CELF2: variants seen among roughly 807,000 people sequenced by gnomAD.
CELF2 encodes CUGBP Elav-like family member 2.
CELF2 carries 8 observed loss-of-function variants against 62.6 expected under a neutral mutation model. The observed-to-expected ratio is 0.13, with a 90% CI of 0.07 to 0.23. CELF2 has a LOEUF of 0.23. Among genes scored for constraint, CELF2 ranks in the 10% least tolerant of loss-of-function variants. The pLI is 1.00. For synonymous variants in CELF2, 258 were observed against 250.0 expected, an observed-to-expected ratio of 1.03 and a Z score of -0.30; for missense variants, 333 against 671.0, an observed-to-expected ratio of 0.50 and a Z score of 5.56.
the CELF2 span, among the ~76,000 whole-genome samples, chr10:10,602,352 G>A: frequency 7.6e-3 from 1,150 of 152,220 alleles, 9 homozygotes; most frequent in African/African-American, 0.026. Context: ...CTGGTTACAA[G>A]TCTGGGGTCC....
intron 1 of CELF2, among the ~76,000 whole-genome samples, chr10:11,068,258 C>G (rs1328953440): frequency 6.6e-6 from 1 of 152,200 alleles, no homozygotes; most frequent in African/African-American, 2.4e-5. Context: ...AAATGTCAAA[C>G]CGCAACTGTG....
At chr10:10,543,106 G>A in the CELF2 span, among the ~76,000 whole-genome samples, 1 of 152,236 alleles carries the variant, frequency 6.6e-6, no homozygotes, top group Non-Finnish European at 1.5e-5. Flanking sequence ...TGAAGACTTG[G>A]CTTCTAGCAA....
intron 9 of CELF2, among the ~76,000 whole-genome samples, chr10:11,291,865 G>A (rs554469646): frequency 2.0e-5 from 3 of 152,296 alleles, no homozygotes; most frequent in South Asian, 2.1e-4. Flanking sequence ...AATTTTGAGC[G>A]CTTGAAGAGA....
chr10:10,733,206 A>G, the CELF2 span, among the ~76,000 whole-genome samples: 1 of 152,216 alleles, frequency 6.6e-6, no homozygotes, highest in African/African-American at 2.4e-5. Context: ...CACCCGGGCC[A>G]TTGAAGCGCC....
chr10:10,533,865 G>C, the CELF2 span, among the ~76,000 whole-genome samples: 2 of 152,180 alleles, frequency 1.3e-5, no homozygotes, highest in African/African-American at 4.8e-5. Context: ...TATCTACTTG[G>C]AAGTCACTGG....
rs2053282228 is a variant in CELF2, at chr10:10,990,267, C to T, written c.89+70268C>T. On this transcript the variant is annotated intron_variant, in intron 2 of 13. Transcript: ENST00000636488. The surrounding 1 kb of genome is among the most constrained non-coding windows in gnomAD (Gnocchi z 4.6). ...ACGTCATTATGTGGGAAAAATATATCATGTTGTATAAAAAGGATTAAAAAT... is the reference window on the plus strand; with the variant it reads ...ACGTCATTATGTGGGAAAAATATATTATGTTGTATAAAAAGGATTAAAAAT... Among the ~76,000 whole-genome samples, 1 of 152,004 alleles carries T rather than the reference C, an allele frequency of 6.6e-6. No homozygotes were observed. The highest frequency in any genetic ancestry group is 2.4e-5 in the African/African-American group (1 of 41,430).
At chr10:10,748,468 G>A in the CELF2 span, among the ~76,000 whole-genome samples, 1 of 152,118 alleles carries the variant, frequency 6.6e-6, no homozygotes, top group Non-Finnish European at 1.5e-5. Context: ...TCTCTCTGGG[G>A]TCTGGCGCGG....
At chr10:10,869,302 A>G (rs1000885350) in intron 1 of CELF2, among the ~76,000 whole-genome samples, 12 of 152,170 alleles carry the variant, frequency 7.9e-5, no homozygotes, top group East Asian at 3.9e-4. Flanking sequence ...GGTGGCTCAC[A>G]TCTGTAATCC....
the CELF2 span, among the ~76,000 whole-genome samples, chr10:10,764,129 G>C: frequency 6.6e-6 from 1 of 152,234 alleles, no homozygotes; most frequent in Admixed American, 6.5e-5. Context: ...GAAAGGAAAG[G>C]AGATGTCAGT....
the CELF2 span, among the ~76,000 whole-genome samples, chr10:10,565,209 A>T: frequency 4.6e-5 from 7 of 152,234 alleles, no homozygotes; most frequent in Non-Finnish European, 1.0e-4. Flanking sequence ...AAGTCCCTGT[A>T]CACTGGCTGG....
At chr10:10,561,364 G>A in the CELF2 span, among the ~76,000 whole-genome samples, 7 of 152,140 alleles carry the variant, frequency 4.6e-5, no homozygotes, top group Admixed American at 4.6e-4. Context: ...CTATGTGTTG[G>A]AAAGTACATA....
the CELF2 span, among the ~76,000 whole-genome samples, chr10:10,639,576 A>G: frequency 6.6e-6 from 1 of 152,204 alleles, no homozygotes; most frequent in Admixed American, 6.5e-5. Flanking sequence ...ACTTTGGAAT[A>G]AGTAAATTTT....
chr10:11,333,982 TTGATAGAA>T lies in CELF2; in HGVS notation c.*4930_*4937del, dbSNP rs966572002. ...GATTTCGGGTTGATTGATTGATTGA[TTGATAGAA>T]AGAAAGTTGCTTTTCTTTTGAGAAT... is the stretch of plus-strand genomic sequence containing the variant. On this transcript the variant is annotated 3_prime_UTR_variant, in exon 13 of 13. Transcript: ENST00000633077. 35 of 152,530 alleles carry T rather than the reference TTGATAGAA, an allele frequency of 2.3e-4. No homozygotes were observed. Among genetic ancestry groups the T allele is most frequent in the Admixed American group, 1.3e-3 (20 of 15,298 alleles). 9.4% of individuals were successfully genotyped at this position (152,530 alleles called of 1,614,324 possible).
chr10:11,166,822 A>G (rs2067361399), intron 2 of CELF2, among the ~76,000 whole-genome samples: 1 of 152,212 alleles, frequency 6.6e-6, no homozygotes, highest in African/African-American at 2.4e-5. Context: ...GAACTAGGAA[A>G]TCTTTAAGAC....
At chr10:11,259,695 A>G (rs770763420) in intron 5 of CELF2, among the ~76,000 whole-genome samples, 4 of 152,152 alleles carry the variant, frequency 2.6e-5, no homozygotes, top group Non-Finnish European at 5.9e-5. Flanking sequence ...TCACCAGCCA[A>G]GGGATACTAG....
At chr10:10,932,948 A>G (rs1421355908) in intron 2 of CELF2, among the ~76,000 whole-genome samples, 1 of 152,160 alleles carries the variant, frequency 6.6e-6, no homozygotes, top group Admixed American at 6.5e-5. Context: ...AGAAAAGTAG[A>G]TAGAAGCCAG....
chr10:11,189,815 T>C lies in CELF2; in HGVS notation c.271+24133T>C, dbSNP rs1318752403. 2.6e-5 allele frequency among the ~76,000 whole-genome samples: 4 copies of C among 152,258 alleles called. No homozygotes were observed. In the South Asian group the frequency reaches 8.3e-4, roughly 31 times the overall value. On this transcript the variant is annotated intron_variant, in intron 2 of 12. Transcript: ENST00000633077. ...AGGAATTCCAGCACCAGCGATGGTA[T>C]GCAAACCTTTAGTGGCACACGTTGA...
rs763954037 is a variant in CELF2, at chr10:10,999,720, A to G, written c.89+79721A>G. On this transcript the variant is annotated intron_variant, in intron 2 of 13. Coordinates refer to the CELF2 transcript ENST00000636488. ...GTCACGTGATCATATGAATTGCCAT[A>G]TTGGTCTCACCTTCCAGGAAGGAAG... 2.2e-4 allele frequency among the ~76,000 whole-genome samples: 33 copies of G among 152,238 alleles called. 1 individual carries two copies. Among genetic ancestry groups the G allele is most frequent in the African/African-American group, 8.0e-4 (33 of 41,462 alleles).
At chr10:11,239,320 AAATCAGATATAT>A (rs1391916900) in intron 3 of CELF2, among the ~76,000 whole-genome samples, 1 of 152,180 alleles carries the variant, frequency 6.6e-6, no homozygotes, top group Non-Finnish European at 1.5e-5. Context: ...TGATAAGCCA[AAATCAGATATAT>A]AATCCTGGGT....
Sources: allele counts gnomAD v4.1 joint callset (sites outside exome capture counted in the v4.1 genomes callset), GRCh38; gene constraint gnomAD v4.1.1; non-coding constraint Gnocchi (gnomAD v3.1); transcripts MANE v1.5; gene names NCBI Gene and HGNC (gene_info 2026-07-23, HGNC 2026-07-21).